CAB39: variants seen among roughly 807,000 people sequenced by gnomAD.
The protein encoded by CAB39 is calcium binding protein 39.
A neutral mutation model predicts 40.0 loss-of-function variants in CAB39; 8 were observed. That is an observed-to-expected ratio of 0.20 (90% CI 0.12 to 0.36). CAB39 has a LOEUF of 0.36. Ranked by LOEUF, CAB39 falls within the 10% of genes least tolerant of loss-of-function variation. The probability of loss-of-function intolerance (pLI) is 1.00; values close to 1 mark genes in which losing one functional copy is unlikely to be tolerated. For synonymous variants in CAB39, 156 were observed against 141.6 expected (o/e 1.10, Z -0.72); for missense variants, 270 against 401.1 (o/e 0.67, Z 2.79).
chr2:230,782,552 C>T (rs1575943201), intron 2 of CAB39, among the ~76,000 whole-genome samples: 1 of 152,076 alleles, frequency 6.6e-6, no homozygotes, highest in South Asian at 2.1e-4. Flanking sequence ...AAATACTCTT[C>T]TTACTCCACC....
intron 6 of CAB39, among the ~76,000 whole-genome samples, chr2:230,812,413 G>GA (rs769378508): frequency 7.9e-5 from 12 of 152,110 alleles, no homozygotes; most frequent in Non-Finnish European, 1.3e-4. Flanking sequence ...ATACAGAGAA[G>GA]AAAAAATCTA....
At chr2:230,811,856 T>G (rs1341880088) in intron 6 of CAB39, among the ~76,000 whole-genome samples, 1 of 152,240 alleles carries the variant, frequency 6.6e-6, no homozygotes, top group African/African-American at 2.4e-5. Flanking sequence ...TCCAAGACAT[T>G]TGCTACAGTG....
chr2:230,816,382 A>G (rs1325459134), intron 7 of CAB39, among the ~76,000 whole-genome samples: 2 of 152,262 alleles, frequency 1.3e-5, no homozygotes, highest in Non-Finnish European at 2.9e-5. Flanking sequence ...CTAACTTTTC[A>G]GTCTTTGTAA....
intron 5 of CAB39, among the ~76,000 whole-genome samples, chr2:230,804,533 T>A (rs1696154778): frequency 6.6e-6 from 1 of 152,092 alleles, no homozygotes; most frequent in South Asian, 2.1e-4. Flanking sequence ...TACAAAGAAC[T>A]TAAACAAATT....
chr2:230,735,556 C>T (rs1234538296), intron 1 of CAB39, among the ~76,000 whole-genome samples: 1 of 152,080 alleles, frequency 6.6e-6, no homozygotes, highest in Admixed American at 6.6e-5. Flanking sequence ...TTCTGTCACC[C>T]AGGCTGGAGT....
At chr2:230,725,181 G>T in intron 1 of CAB39, 1 of 1,611,918 alleles carries the variant, frequency 6.2e-7, no homozygotes, top group Non-Finnish European at 8.5e-7. Context: ...AGGCAGTCCC[G>T]GGACTGCTTG....
At chr2:230,785,373 G>A (rs919410505) in intron 2 of CAB39, among the ~76,000 whole-genome samples, 19 of 150,376 alleles carry the variant, frequency 1.3e-4, no homozygotes, top group East Asian at 5.9e-4. Flanking sequence ...GGGCAGGGGC[G>A]CGTGGGCAGG....
At chr2:230,743,186 A>C (rs1217831172) in intron 1 of CAB39, among the ~76,000 whole-genome samples, 1 of 152,186 alleles carries the variant, frequency 6.6e-6, no homozygotes, top group African/African-American at 2.4e-5. Context: ...GTAGAGAAGA[A>C]GACAAGGAGT....
chr2:230,779,041 G>A (rs1316747598), intron 2 of CAB39: 2 of 151,980 alleles, frequency 1.3e-5, no homozygotes, highest in African/African-American at 4.8e-5. Context: ...GTGAGCATTA[G>A]GTGTGAACTT....
intron 2 of CAB39, among the ~76,000 whole-genome samples, chr2:230,786,269 T>G (rs1481019503): frequency 7.0e-6 from 1 of 143,516 alleles, no homozygotes; most frequent in Non-Finnish European, 1.5e-5. Context: ...CCTCCCAGAG[T>G]GCTAGGATCA....
intron 2 of CAB39, among the ~76,000 whole-genome samples, chr2:230,773,312 A>ATGTGTGTGTG (rs1321034177): frequency 0.036 from 3,045 of 84,846 alleles, 47 homozygotes; most frequent in Middle Eastern, 0.071. Flanking sequence ...ATATATATAT[A>ATGTGTGTGTG]TATGTGTGTG....
intron 1 of CAB39, among the ~76,000 whole-genome samples, chr2:230,724,697 G>T (rs552507972): frequency 1.6e-5 from 1 of 61,730 alleles, no homozygotes; most frequent in Admixed American, 2.1e-4. Flanking sequence ...AAACACACAC[G>T]CTCACCAAAA....
chr2:230,789,784 T>C (rs1559611752), intron 2 of CAB39, among the ~76,000 whole-genome samples: 1 of 152,214 alleles, frequency 6.6e-6, no homozygotes, highest in Non-Finnish European at 1.5e-5. Flanking sequence ...GGTTGCCAGG[T>C]CTGCCTCTTC....
intron 1 of CAB39, among the ~76,000 whole-genome samples, chr2:230,748,307 G>T (rs1380885449): frequency 6.6e-6 from 1 of 152,002 alleles, no homozygotes; most frequent in African/African-American, 2.4e-5. Context: ...GGGTGGGGTG[G>T]GCAAGGGAGA....
intron 1 of CAB39, among the ~76,000 whole-genome samples, chr2:230,728,587 C>CGACG (rs1368513064): frequency 6.6e-6 from 1 of 152,128 alleles, no homozygotes; most frequent in Non-Finnish European, 1.5e-5. Context: ...TAGGCATGAG[C>CGACG]CGTCGCACCC....
chr2:230,725,322 C>T, intron 1 of CAB39: 8 of 1,576,352 alleles, frequency 5.1e-6, no homozygotes, highest in Non-Finnish European at 6.1e-6. Context: ...CCCAGGACTT[C>T]ACCAATCCCA....
chr2:230,794,282 C>A (rs1370729558), intron 4 of CAB39, among the ~76,000 whole-genome samples: 6 of 152,120 alleles, frequency 3.9e-5, no homozygotes, highest in African/African-American at 1.4e-4. Context: ...TTCCCTCTTT[C>A]TATTTCTAAC....
chr2:230,818,063 C>A (rs1178313177), intron 8 of CAB39, 166 bp downstream of exon 8: 2 of 618,442 alleles, frequency 3.2e-6, no homozygotes, highest in Non-Finnish European at 5.5e-6. Context: ...AAAGGTAGAC[C>A]TGGAAACGGG....
intron 3 of CAB39, among the ~76,000 whole-genome samples, chr2:230,792,988 ATTG>A (rs1354455431): frequency 2.6e-5 from 4 of 152,298 alleles, no homozygotes; most frequent in East Asian, 1.9e-4. Context: ...TAGTCAACCC[ATTG>A]TTGTTTTTGT....
Sources: allele counts gnomAD v4.1 joint callset (sites outside exome capture counted in the v4.1 genomes callset), GRCh38; gene constraint gnomAD v4.1.1; transcripts MANE v1.5; gene names NCBI Gene and HGNC (gene_info 2026-07-23, HGNC 2026-07-21).